EPHA3: variants seen among roughly 807,000 people sequenced by gnomAD.
EPHA3 encodes the protein EPH receptor A3, also known as ephrin type-A receptor 3.
A neutral mutation model predicts 107.1 loss-of-function variants in EPHA3; 42 were observed. The observed-to-expected ratio is 0.39, with a 90% CI of 0.31 to 0.51. EPHA3 has a LOEUF of 0.51. Ranked by LOEUF, EPHA3 falls within the 20% of genes least tolerant of loss-of-function variation. The pLI is 0.78. For missense variants in EPHA3, 1,183 were observed against 1,211.2 expected, an observed-to-expected ratio of 0.98 and a Z score of 0.35; for synonymous variants, 461 against 424.8, an observed-to-expected ratio of 1.09 and a Z score of -1.05.
At chr3:89,469,980 T>C (rs1252873388) in intron 15 of EPHA3, among the ~76,000 whole-genome samples, 1 of 152,066 alleles carries the variant, frequency 6.6e-6, no homozygotes, top group African/African-American at 2.4e-5. Context: ...TTAATACTCC[T>C]AATTTTGGAG....
chr3:89,197,836 G>A (rs1705872924), intron 2 of EPHA3, among the ~76,000 whole-genome samples: 2 of 151,986 alleles, frequency 1.3e-5, no homozygotes, highest in Admixed American at 1.3e-4. Flanking sequence ...GATTAGCCTG[G>A]TGTGGTGGTG....
chr3:89,286,442 C>A (rs765740653), intron 3 of EPHA3, among the ~76,000 whole-genome samples: 2 of 151,854 alleles, frequency 1.3e-5, no homozygotes, highest in Non-Finnish European at 2.9e-5. Context: ...TTGGCAAAGG[C>A]GAAAGCAGGG....
chr3:89,121,818 G>A (rs1398321120), intron 1 of EPHA3, among the ~76,000 whole-genome samples: 1 of 151,586 alleles, frequency 6.6e-6, no homozygotes, highest in African/African-American at 2.4e-5. Context: ...AAGTCCACAG[G>A]AACAATTAAA....
chr3:89,437,371 A>G (rs780451370), intron 13 of EPHA3, among the ~76,000 whole-genome samples: 4 of 152,156 alleles, frequency 2.6e-5, no homozygotes, highest in African/African-American at 4.8e-5. Context: ...TGGGATGGAT[A>G]TGATTAGACC....
At chr3:89,324,506 T>C (rs975951929) in intron 3 of EPHA3, among the ~76,000 whole-genome samples, 2 of 151,760 alleles carry the variant, frequency 1.3e-5, no homozygotes, top group Non-Finnish European at 2.9e-5. Flanking sequence ...TTTTATTTTT[T>C]TTATTTTTTA....
At chr3:89,189,089 A>G (rs1394084248) in intron 2 of EPHA3, among the ~76,000 whole-genome samples, 1 of 152,244 alleles carries the variant, frequency 6.6e-6, no homozygotes, top group Non-Finnish European at 1.5e-5. Context: ...CAGTTTATGT[A>G]GAAAGTTTAG....
At chr3:89,137,709 A>G (rs1246537818) in intron 2 of EPHA3, among the ~76,000 whole-genome samples, 2 of 152,032 alleles carry the variant, frequency 1.3e-5, no homozygotes, top group Non-Finnish European at 2.9e-5. Flanking sequence ...GGGAGTTGCT[A>G]AAATCATTCA....
At chr3:89,250,337 A>G (rs755424097) in intron 3 of EPHA3, among the ~76,000 whole-genome samples, 2 of 152,132 alleles carry the variant, frequency 1.3e-5, no homozygotes, top group Non-Finnish European at 2.9e-5. Flanking sequence ...CATCATATTT[A>G]TTGCCCTTTT....
At chr3:89,354,806 G>T (rs186922577) in intron 5 of EPHA3, among the ~76,000 whole-genome samples, 2 of 151,118 alleles carry the variant, frequency 1.3e-5, no homozygotes, top group African/African-American at 4.8e-5. Flanking sequence ...CTTGTCCATG[G>T]CCGCACAACT....
At chr3:89,329,800 C>G (rs1259879534) in intron 3 of EPHA3, among the ~76,000 whole-genome samples, 1 of 151,926 alleles carries the variant, frequency 6.6e-6, no homozygotes, top group Non-Finnish European at 1.5e-5. Flanking sequence ...TGAGATTGTT[C>G]CATATGCTTG....
intron 3 of EPHA3, among the ~76,000 whole-genome samples, chr3:89,235,527 C>G (rs1228261353): frequency 2.0e-5 from 3 of 151,868 alleles, no homozygotes; most frequent in Non-Finnish European, 4.4e-5. Context: ...CCTTTCATTT[C>G]TTCATATGCA....
At chr3:89,128,396 G>A (rs1704136642) in intron 2 of EPHA3, among the ~76,000 whole-genome samples, 2 of 152,006 alleles carry the variant, frequency 1.3e-5, no homozygotes, top group South Asian at 4.1e-4. Context: ...TTTTCCCAGA[G>A]GTGTAAAAGG....
chr3:89,234,838 T>TTTCCTTCCTTCCTCCCTTCTTTCCTTCTC (rs1704717952), intron 3 of EPHA3, among the ~76,000 whole-genome samples: 1 of 132,742 alleles, frequency 7.5e-6, no homozygotes, highest in Admixed American at 7.8e-5. Flanking sequence ...CTTTCCTTTC[T>TTTCCTTCCTTCCTCCCTTCTTTCCTTCTC]TTCCTTCCTT....
chr3:89,378,056 G>T (rs1576345563), intron 5 of EPHA3, among the ~76,000 whole-genome samples: 1 of 152,144 alleles, frequency 6.6e-6, no homozygotes. Context: ...AGTGAGAGCT[G>T]AACAATGAGA....
chr3:89,113,249 G>A (rs1186064935), intron 1 of EPHA3, among the ~76,000 whole-genome samples: 2 of 152,012 alleles, frequency 1.3e-5, no homozygotes, highest in Non-Finnish European at 2.9e-5. Context: ...ATTAGTAAAA[G>A]CAATATTGTG....
intron 8 of EPHA3, among the ~76,000 whole-genome samples, chr3:89,407,627 C>T (rs541654648): frequency 1.1e-3 from 170 of 152,134 alleles, no homozygotes; most frequent in African/African-American, 3.6e-3. Flanking sequence ...TGACACTACT[C>T]CTAGTTTTTA....
chr3:89,300,409 A>G (rs982414634), intron 3 of EPHA3, among the ~76,000 whole-genome samples: 1 of 152,008 alleles, frequency 6.6e-6, no homozygotes, highest in African/African-American at 2.4e-5. Flanking sequence ...ATATATTGAC[A>G]ATGCTACACA....
chr3:89,266,661 T>G (rs1446864806), intron 3 of EPHA3, among the ~76,000 whole-genome samples: 5 of 152,144 alleles, frequency 3.3e-5, no homozygotes, highest in African/African-American at 1.2e-4. Flanking sequence ...AATGCTTTCT[T>G]TATGTTTCTT....
At chr3:89,398,490 A>T (rs1362511001) in intron 6 of EPHA3, among the ~76,000 whole-genome samples, 1 of 152,210 alleles carries the variant, frequency 6.6e-6, no homozygotes, top group Non-Finnish European at 1.5e-5. Context: ...AACCACAGTG[A>T]CTTAGATTAA....
Sources: allele counts gnomAD v4.1 joint callset (sites outside exome capture counted in the v4.1 genomes callset), GRCh38; gene constraint gnomAD v4.1.1; transcripts MANE v1.5; gene names NCBI Gene and HGNC (gene_info 2026-07-23, HGNC 2026-07-21).